TSHR: variants seen among roughly 807,000 people sequenced by gnomAD.
TSHR encodes the protein thyrotropin receptor.
In TSHR, 51 loss-of-function variants were observed where a neutral mutation model predicts 64.1. The ratio of observed to expected loss-of-function variants is 0.80; its 90% confidence interval spans 0.64 to 1.01. TSHR has a LOEUF of 1.01. Ranked by LOEUF, TSHR falls within the 50% of genes least tolerant of loss-of-function variation. The pLI, the probability that TSHR is intolerant of heterozygous loss-of-function variation, is 0.00. For synonymous variants in TSHR, 361 were observed against 361.9 expected (o/e 1.00, Z 0.03); for missense variants, 877 against 942.8 (o/e 0.93, Z 0.91).
intron 7 of TSHR, chr14:81,104,101 A>T: frequency 1.0e-6 from 1 of 985,446 alleles, no homozygotes; most frequent in Non-Finnish European, 1.2e-6. Context: ...AGCTTGTAGG[A>T]TATACTCTAA....
At chr14:81,050,672 C>T (rs939480011) in intron 1 of TSHR, 27 of 152,220 alleles carry the variant, frequency 1.8e-4, no homozygotes, top group African/African-American at 5.8e-4. Flanking sequence ...TAAAGTAATG[C>T]ACTTTTTCTG....
At chr14:81,100,259 C>A (rs1319404055) in intron 7 of TSHR, among the ~76,000 whole-genome samples, 1 of 152,002 alleles carries the variant, frequency 6.6e-6, no homozygotes, top group Non-Finnish European at 1.5e-5. Context: ...AAGAGGGGGC[C>A]TTAGTTTGCA....
At chr14:81,022,707 G>C (rs1883835038) in intron 1 of TSHR, among the ~76,000 whole-genome samples, 1 of 152,086 alleles carries the variant, frequency 6.6e-6, no homozygotes, top group African/African-American at 2.4e-5. Flanking sequence ...TGTAGTCCCA[G>C]CTACTTGGGA....
chr14:81,102,592 C>T (rs917547529), intron 7 of TSHR: 1 of 176,816 alleles, frequency 5.7e-6, no homozygotes, highest in African/African-American at 2.4e-5. Context: ...TATTTGGGGC[C>T]TTATGGGACA....
intron 1 of TSHR, among the ~76,000 whole-genome samples, chr14:81,039,047 G>A (rs61978743): frequency 0.24 from 37,068 of 151,582 alleles, 4,638 homozygotes; most frequent in South Asian, 0.33. Context: ...ATTCTATGAG[G>A]CCAGCATTAC....
At chr14:80,956,492 T>C (rs548936878) in intron 1 of TSHR, among the ~76,000 whole-genome samples, 3 of 152,322 alleles carry the variant, frequency 2.0e-5, no homozygotes, top group Admixed American at 1.3e-4. Context: ...GCATGTTAAA[T>C]GTTACCAGAT....
chr14:81,066,180 G>A (rs1286453770), intron 2 of TSHR, among the ~76,000 whole-genome samples: 1 of 152,166 alleles, frequency 6.6e-6, no homozygotes, highest in Non-Finnish European at 1.5e-5. Flanking sequence ...TATGGGCCGA[G>A]TGACTATCCT....
At chr14:81,062,248 T>G in intron 2 of TSHR, 29 bp downstream of exon 2, 1 of 1,548,518 alleles carries the variant, frequency 6.5e-7, no homozygotes, top group Non-Finnish European at 8.9e-7. Flanking sequence ...AAGAAAAGTT[T>G]GCATTTGTGA....
intron 1 of TSHR, among the ~76,000 whole-genome samples, chr14:80,978,094 A>AAC (rs60697218): frequency 0.27 from 39,378 of 146,194 alleles, 5,405 homozygotes; most frequent in Middle Eastern, 0.34. Context: ...ACATCCCTCC[A>AAC]ACACACACAC....
intron 7 of TSHR, chr14:81,105,020 TA>T (rs1889807320): frequency 1.0e-6 from 1 of 985,318 alleles, no homozygotes; most frequent in South Asian, 4.7e-5. Context: ...CGTCTCTTAC[TA>T]CAAGCCTTTT....
intron 7 of TSHR, among the ~76,000 whole-genome samples, chr14:81,105,451 A>G (rs1477583459): frequency 6.6e-6 from 1 of 152,194 alleles, no homozygotes; most frequent in Non-Finnish European, 1.5e-5. Context: ...AATTAACTCT[A>G]AGAGGTAAAG....
At chr14:81,119,928 A>C (rs980534903) in intron 8 of TSHR, among the ~76,000 whole-genome samples, 1 of 109,262 alleles carries the variant, frequency 9.2e-6, no homozygotes, top group Non-Finnish European at 1.8e-5. Context: ...CTATCGCAAG[A>C]ACAAAAAACC....
rs74064804 is a variant in TSHR, at chr14:81,000,909, C to T, written c.170+45059C>T. Among the ~76,000 whole-genome samples, 948 of 152,266 alleles carry T rather than the reference C, an allele frequency of 6.2e-3. 15 individuals carry two copies. The highest frequency in any genetic ancestry group is 0.022 in the African/African-American group (922 of 41,546). ...TCAATCTCTCTCCCATTCTGTCTCACTTACAGCTGGCAGGGAGAGGCAGAA... is the reference window on the plus strand; with the variant it reads ...TCAATCTCTCTCCCATTCTGTCTCATTTACAGCTGGCAGGGAGAGGCAGAA... On this transcript the variant is annotated intron_variant, in intron 1 of 9. Transcript: ENST00000298171.
rs139210954 is a variant in TSHR, at chr14:81,068,313, G to A, written c.302G>A (p.Ser101Asn). 3 of 1,612,876 alleles carry A rather than the reference G, an allele frequency of 1.9e-6. No individual in the cohort carries two copies. The African/African-American group carries it at 4.0e-5, about 22-fold the overall frequency. ...GAATCACACTCCTTCTACAATTTGA[G>A]TAAAGTGACTCACATGTAAGTACAA... The part of the protein sequence containing the change: ...QLESHSFYNL[S>N]KVTHIEIRNT... The change falls in exon 3 of 10, where the codon AGT becomes AAT. Residue 101 changes from serine (S) to asparagine (N), a missense_variant. Transcript: ENST00000298171.
chr14:81,124,460 T>G (rs925428421), intron 8 of TSHR, among the ~76,000 whole-genome samples: 3 of 152,194 alleles, frequency 2.0e-5, no homozygotes, highest in African/African-American at 7.2e-5. Flanking sequence ...GATTAAGACT[T>G]GGAACATTTT....
intron 8 of TSHR, among the ~76,000 whole-genome samples, chr14:81,125,682 C>A (rs571585038): frequency 1.1e-3 from 171 of 152,162 alleles, no homozygotes; most frequent in African/African-American, 4.0e-3. Flanking sequence ...GAGAAGGGAA[C>A]CTCCTGCAGA....
chr14:81,046,039 G>C (rs764853887), intron 1 of TSHR, among the ~76,000 whole-genome samples: 22 of 152,146 alleles, frequency 1.4e-4, no homozygotes, highest in African/African-American at 5.3e-4. Context: ...TTGCTGCAAG[G>C]CTTCCTCTAA....
chr14:81,089,338 G>A (rs1888547176), intron 4 of TSHR, among the ~76,000 whole-genome samples: 3 of 152,160 alleles, frequency 2.0e-5, no homozygotes, highest in Admixed American at 2.0e-4. Context: ...GGGAATGGAA[G>A]ACACTGATGG....
At chr14:80,979,294 C>CATATGTGGAGTCTAACATCATGT in intron 1 of TSHR, among the ~76,000 whole-genome samples, 1 of 152,228 alleles carries the variant, frequency 6.6e-6, no homozygotes, top group Admixed American at 6.5e-5. Flanking sequence ...TAACATCATG[C>CATATGTGGAGTCTAACATCATGT]ATATGTGGAG....
Sources: gnomAD v4.1 joint callset for allele counts (sites outside exome capture counted in the v4.1 genomes callset) on GRCh38, gnomAD v4.1.1 for gene constraint, MANE v1.5 for transcripts, NCBI Gene and HGNC (gene_info 2026-07-23, HGNC 2026-07-21) for gene names.